Variants in LMO7 observed in about 807,000 individuals in gnomAD.
LMO7 encodes LIM domain only protein 7.
LMO7 carries 120 observed loss-of-function variants against 206.5 expected under a neutral mutation model. That is an observed-to-expected ratio of 0.58 (90% CI 0.50 to 0.68). The LOEUF is 0.68. Among genes scored for constraint, LMO7 ranks in the 30% least tolerant of loss-of-function variants. LMO7 has a pLI of 0.00. For synonymous variants in LMO7, 706 were observed against 681.5 expected, an observed-to-expected ratio of 1.04 and a Z score of -0.56; for missense variants, 1,959 against 1,957.9, an observed-to-expected ratio of 1.00 and a Z score of -0.01.
chr13:75,633,887 C>A (rs2035365113), upstream of LMO7, among the ~76,000 whole-genome samples: 1 of 136,854 alleles, frequency 7.3e-6, no homozygotes, highest in African/African-American at 2.8e-5. Context: ...CTCGCTCTGT[C>A]CCCAGGCTGG....
intron 4 of LMO7, among the ~76,000 whole-genome samples, chr13:75,782,987 G>A (rs946924156): frequency 6.6e-6 from 1 of 152,040 alleles, no homozygotes; most frequent in African/African-American, 2.4e-5. Flanking sequence ...TGGGGAGTGG[G>A]GTCATTATTC....
chr13:75,817,043 C>A, intron 11 of LMO7, 118 bp from the exon 12 acceptor site: 1 of 667,432 alleles, frequency 1.5e-6, no homozygotes. Context: ...GTGACACTAT[C>A]ACTGAAGCGT....
chr13:75,708,785 A>G (rs891405471), intron 1 of LMO7, among the ~76,000 whole-genome samples: 18 of 151,766 alleles, frequency 1.2e-4, no homozygotes, highest in Admixed American at 2.6e-4. Context: ...TAAACATTAC[A>G]TTTTTCTTTT....
At chr13:75,727,208 T>A (rs1393092066) in intron 3 of LMO7, 110 bp downstream of exon 3, 4 of 622,234 alleles carry the variant, frequency 6.4e-6, no homozygotes, top group Non-Finnish European at 1.1e-5. Flanking sequence ...AGGTTATGGT[T>A]TTTTTGCTGA....
chr13:75,623,147 A>C (rs1038053709), intron 1 of LMO7: 2 of 586,888 alleles, frequency 3.4e-6, no homozygotes, highest in Non-Finnish European at 3.1e-6. Context: ...ATCTCTACTA[A>C]ATAGTATCAT....
chr13:75,781,996 T>A (rs965839400), intron 4 of LMO7, among the ~76,000 whole-genome samples: 1 of 152,190 alleles, frequency 6.6e-6, no homozygotes, highest in Non-Finnish European at 1.5e-5. Context: ...CTTGTAAATT[T>A]GTTTGAGTTC....
chr13:75,772,017 C>G (rs1342161055), intron 4 of LMO7, among the ~76,000 whole-genome samples: 1 of 152,032 alleles, frequency 6.6e-6, no homozygotes, highest in Non-Finnish European at 1.5e-5. Context: ...AAACTCTTCT[C>G]TGGTTGCAGA....
chr13:75,807,770 G>T lies in LMO7; in HGVS notation c.1487G>T (p.Arg496Leu). ...KFSEQDDSVE[R>L]DIILQCREGE... is the part of the protein sequence containing the mutation. ...TCTGAGCAAGATGATTCTGTAGAGC[G>T]AGATATAATTTTACAGTGTAGAGAA... Residue 496 changes from arginine (R) to leucine (L), a missense_variant, in exon 10 of 31, where the codon CGA becomes CTA. Coordinates refer to ENST00000377534, the MANE Select transcript of LMO7 (RefSeq NM_001306080.2). The T allele has an allele frequency of 6.2e-7, 1 of 1,613,944 alleles. No individual in the cohort carries two copies.
intron 1 of LMO7, among the ~76,000 whole-genome samples, chr13:75,699,190 C>G (rs2042106374): frequency 6.6e-6 from 1 of 152,142 alleles, no homozygotes; most frequent in Non-Finnish European, 1.5e-5. Flanking sequence ...TGTTCTAAGA[C>G]TCCCCCAGTA....
At chr13:75,648,723 G>A (rs1350794974) in intron 1 of LMO7, among the ~76,000 whole-genome samples, 2 of 152,214 alleles carry the variant, frequency 1.3e-5, no homozygotes, top group African/African-American at 4.8e-5. Context: ...AGTGTGTGTG[G>A]TGAGGAAGGG....
chr13:75,727,792 C>T (rs191112516), intron 3 of LMO7, among the ~76,000 whole-genome samples: 5,381 of 142,136 alleles, frequency 0.038, 163 homozygotes, highest in Non-Finnish European at 0.054. Context: ...AACCCCACAA[C>T]AGTCCCCAGA....
chr13:75,724,119 G>A (rs1012738889), intron 2 of LMO7, among the ~76,000 whole-genome samples: 4 of 152,098 alleles, frequency 2.6e-5, no homozygotes, highest in African/African-American at 9.7e-5. Flanking sequence ...GGATTTCAAA[G>A]TATGAGGTTT....
intron 1 of LMO7, among the ~76,000 whole-genome samples, chr13:75,640,422 C>T (rs776076056): frequency 7.9e-5 from 12 of 152,128 alleles, no homozygotes; most frequent in Non-Finnish European, 1.5e-4. Flanking sequence ...TCCATGTTTT[C>T]GTATGAATGG....
intron 4 of LMO7, among the ~76,000 whole-genome samples, chr13:75,791,811 GT>G (rs2053325051): frequency 6.6e-6 from 1 of 152,150 alleles, no homozygotes; most frequent in Non-Finnish European, 1.5e-5. Context: ...TCACAGAGTT[GT>G]TGTTCTTTGA....
At chr13:75,718,463 T>C (rs2043741757) in intron 2 of LMO7, among the ~76,000 whole-genome samples, 1 of 152,206 alleles carries the variant, frequency 6.6e-6, no homozygotes, top group East Asian at 1.9e-4. Flanking sequence ...TTGCTTTCTG[T>C]TGTTTTTGTT....
chr13:75,822,546 C>T (rs2057682403), intron 14 of LMO7, among the ~76,000 whole-genome samples: 1 of 151,318 alleles, frequency 6.6e-6, no homozygotes, highest in Non-Finnish European at 1.5e-5. Context: ...AAAGTAGTGG[C>T]CAATTCAAGG....
chr13:75,764,236 T>A (rs934712949), intron 4 of LMO7, among the ~76,000 whole-genome samples: 1 of 151,200 alleles, frequency 6.6e-6, no homozygotes, highest in African/African-American at 2.4e-5. Context: ...AATGGTAGAT[T>A]GAGATCTACC....
chr13:75,709,176 C>T (rs78028140), intron 1 of LMO7, among the ~76,000 whole-genome samples: 11,822 of 152,134 alleles, frequency 0.078, 1,019 homozygotes, highest in African/African-American at 0.21. Flanking sequence ...ATGTGCCACA[C>T]TTTCTTAATC....
At chr13:75,789,585 G>A (rs9318373) in intron 4 of LMO7, among the ~76,000 whole-genome samples, 45,957 of 152,064 alleles carry the variant, frequency 0.3, 8,335 homozygotes, top group South Asian at 0.41. Flanking sequence ...ATGCTTGGCT[G>A]TTCTTAGCTA....
Sources: allele counts gnomAD v4.1 joint callset (sites outside exome capture counted in the v4.1 genomes callset), GRCh38; gene constraint gnomAD v4.1.1; transcripts MANE v1.5; gene names NCBI Gene and HGNC (gene_info 2026-07-23, HGNC 2026-07-21).